SLC39A6: variants seen among roughly 807,000 people sequenced by gnomAD.
SLC39A6 encodes the protein solute carrier family 39 member 6.
In SLC39A6, 51 loss-of-function variants were observed where a neutral mutation model predicts 63.5. The observed-to-expected ratio is 0.80, with a 90% confidence interval of 0.64 to 1.01. SLC39A6 has a LOEUF of 1.01. Ranked by LOEUF, SLC39A6 falls within the 50% of genes least tolerant of loss-of-function variation. SLC39A6 has a pLI of 0.00. For missense variants in SLC39A6, 805 were observed against 927.8 expected (o/e 0.87, Z 1.72); for synonymous variants, 318 against 324.7 (o/e 0.98, Z 0.22).
rs750385480 is a variant in SLC39A6, at chr18:36,126,699, CTCGTGGTCTGAGTGATGG to C, written c.291_308del (p.Asp97_His102del). 1.5e-5 allele frequency: 24 copies of C among 1,613,392 alleles called. No homozygotes were observed. The highest frequency in any genetic ancestry group is 9.3e-5 in the African/African-American group (7 of 74,890). On this transcript the variant is annotated inframe_deletion, in exon 2 of 10. Coordinates refer to ENST00000269187, the MANE Select transcript of SLC39A6 (RefSeq NM_012319.4). The stretch of plus-strand genomic sequence containing the variant: ...AGTGACGCTCATGGTCTGAGTGATG[CTCGTGGTCTGAGTGATGG>C]TCGTGGTCATGGTGTATATGGATTC...
Position 36,123,539 on chromosome 18 carries a change from C to T in SLC39A6, c.1096G>A (p.Val366Ile), listed in dbSNP as rs747274757. Reference sequence around the variant, plus strand: ...AAAGCATCACCACTCAAAGTCCCAACGGCCAGTGCCACAAGGAAACTCAGG... The same window carrying T: ...AAAGCATCACCACTCAAAGTCCCAATGGCCAGTGCCACAAGGAAACTCAGG... ...FLLSFLVALAVGTLSGDAFLH... is the reference protein window; with the variant it reads ...FLLSFLVALAIGTLSGDAFLH... The change falls in exon 4 of 10, where the codon GTT becomes ATT. Residue 366 changes from valine (V) to isoleucine (I), a missense_variant. Physicochemically the swap from Val to Ile is conservative, Grantham distance 29. Transcript: ENST00000269187. The T allele has an allele frequency of 1.6e-5, 26 of 1,613,048 alleles. No individual in the cohort carries two copies. The highest frequency in any genetic ancestry group is 2.2e-5 in the East Asian group (1 of 44,858).
chr18:36,119,571 A>G (rs1478727296), intron 5 of SLC39A6, among the ~76,000 whole-genome samples: 1 of 150,548 alleles, frequency 6.6e-6, no homozygotes, highest in Non-Finnish European at 1.5e-5. Flanking sequence ...TGTTGCATTT[A>G]AAAATATTGG....
rs557330371 is a variant in SLC39A6 at position 36,114,833 on chromosome 18, T to C, written c.1466-359A>G. 3.3e-5 allele frequency among the ~76,000 whole-genome samples: 5 copies of C among 152,308 alleles called. No homozygotes were observed. The South Asian group carries it at 8.3e-4, about 25-fold the overall frequency. ...AAAACATGTTATGTTATTTAAAATA[T>C]TTATTTTAGAAAAATATCTTAGAGA... On this transcript the variant is annotated intron_variant, in intron 6 of 9. Coordinates refer to ENST00000269187, the MANE Select transcript of SLC39A6 (RefSeq NM_012319.4).
intron 7 of SLC39A6, among the ~76,000 whole-genome samples, chr18:36,113,881 G>A (rs901760838): frequency 6.6e-6 from 1 of 152,098 alleles, no homozygotes. Flanking sequence ...TACAATTTAG[G>A]TAATGGGCTA....
chr18:36,115,518 A>G (rs553600142), intron 6 of SLC39A6, among the ~76,000 whole-genome samples: 1 of 152,130 alleles, frequency 6.6e-6, no homozygotes, highest in African/African-American at 2.4e-5. Flanking sequence ...AGTGTGGTCT[A>G]GGCACAGTGG....
At chr18:36,118,496 A>G (rs1382293809) in intron 5 of SLC39A6, among the ~76,000 whole-genome samples, 1 of 152,158 alleles carries the variant, frequency 6.6e-6, no homozygotes, top group Admixed American at 6.5e-5. Context: ...GATAGGTAGG[A>G]ATTTGGTGGG....
chr18:36,121,551 G>A (rs2089394363), intron 5 of SLC39A6, among the ~76,000 whole-genome samples: 1 of 151,972 alleles, frequency 6.6e-6, no homozygotes, highest in Admixed American at 6.5e-5. Context: ...GACTCAAAAG[G>A]GTTTTTTTTG....
intron 9 of SLC39A6, 171 bp downstream of exon 9, chr18:36,110,888 G>A: frequency 9.0e-7 from 1 of 1,116,568 alleles, no homozygotes; most frequent in African/African-American, 1.6e-5. Flanking sequence ...CTACTCAGGA[G>A]GCTGAGATGG....
At chr18:36,121,219 T>C (rs1377764126) in intron 5 of SLC39A6, among the ~76,000 whole-genome samples, 1 of 152,054 alleles carries the variant, frequency 6.6e-6, no homozygotes, top group Non-Finnish European at 1.5e-5. Context: ...TGCAGTGGTA[T>C]AATCTCAGCT....
chr18:36,118,522 A>G (rs1158598060), intron 5 of SLC39A6, among the ~76,000 whole-genome samples: 1 of 152,196 alleles, frequency 6.6e-6, no homozygotes, highest in Non-Finnish European at 1.5e-5. Flanking sequence ...TTGGGGAGGC[A>G]GCATTCCAGG....
In SLC39A6 at chr18:36,124,516, T is replaced by C. The variant is rs1378517395; in HGVS notation, c.970+4A>G. On this transcript the variant is annotated splice_donor_region_variant and intron_variant, in intron 3 of 9. Coordinates refer to ENST00000269187, the MANE Select transcript of SLC39A6 (RefSeq NM_012319.4). ...TTGTTTTTACATAAAAAAGGCAATT[T>C]TACCTATTTGTAATGAATAGGTCTT... 1.3e-6 allele frequency: 2 copies of C among 1,504,494 alleles called. No individual in the cohort carries two copies. The highest frequency in any genetic ancestry group is 9.0e-7 in the Non-Finnish European group (1 of 1,107,180). The allele number at this position is 1,504,494 out of a possible 1,614,324, so 93.2% of individuals were successfully genotyped here.
chr18:36,128,524 A>C (rs1017857123), intron 1 of SLC39A6, among the ~76,000 whole-genome samples: 1 of 152,226 alleles, frequency 6.6e-6, no homozygotes, highest in Non-Finnish European at 1.5e-5. Flanking sequence ...AGGCTCCTGA[A>C]AGAGGAATCT....
chr18:36,118,799 AAAG>A (rs1458297199), intron 5 of SLC39A6, among the ~76,000 whole-genome samples: 8 of 152,224 alleles, frequency 5.3e-5, no homozygotes, highest in African/African-American at 1.9e-4. Context: ...TAGATTGGGA[AAAG>A]GAGGAAAACA....
chr18:36,116,767 G>T lies in SLC39A6; in HGVS notation c.1372C>A (p.Pro458Thr). 1.9e-6 allele frequency: 3 copies of T among 1,610,040 alleles called. No homozygotes were observed. Among genetic ancestry groups the T allele is most frequent in the Non-Finnish European group, 2.5e-6 (3 of 1,177,322 alleles). The change falls in exon 6 of 10, where the codon CCT becomes ACT. Residue 458 changes from proline to threonine, a missense_variant. Pro to Thr is a conservative substitution (Grantham distance 38, BLOSUM62 -1). This residue lies in a region of SLC39A6 where 639 missense variants were observed against 644.0 expected (regional missense o/e 0.99). Transcript: ENST00000269187. ...KDKKKKNQKK[P>T]ENDDDVEIKK... is the part of the protein sequence containing the mutation. ...ATCTCCACATCATCATCATTTTCAG[G>T]TTTCTTCTGATTCTAAAATAGTGAG...
intron 1 of SLC39A6, among the ~76,000 whole-genome samples, chr18:36,128,701 A>T (rs1390545288): frequency 1.3e-5 from 2 of 152,180 alleles, no homozygotes; most frequent in Admixed American, 6.5e-5. Flanking sequence ...CCGTTGAAGG[A>T]TCTCCTTTCC....
intron 8 of SLC39A6, among the ~76,000 whole-genome samples, chr18:36,111,667 T>C (rs62101454): frequency 0.4 from 60,702 of 151,868 alleles, 14,250 homozygotes; most frequent in East Asian, 0.64. Flanking sequence ...TTACTTTTAG[T>C]AGAGACGGGG....
intron 4 of SLC39A6, among the ~76,000 whole-genome samples, chr18:36,122,758 C>T (rs537806329): frequency 3.9e-4 from 60 of 152,314 alleles, no homozygotes; most frequent in Non-Finnish European, 5.7e-4. Context: ...ATTAGGGAAT[C>T]GGGTGTGGAA....
intron 3 of SLC39A6, 39 bp downstream of exon 3, chr18:36,124,481 T>C (rs2089419221): frequency 4.6e-6 from 6 of 1,307,128 alleles, no homozygotes; most frequent in South Asian, 1.5e-5. Flanking sequence ...TATAAATGAA[T>C]CTACTGAAAT....
intron 7 of SLC39A6, 127 bp downstream of exon 7, chr18:36,113,969 AT>A: frequency 1.6e-6 from 2 of 1,221,638 alleles, no homozygotes; most frequent in South Asian, 1.8e-5. Context: ...AAAAAGTAAC[AT>A]TTTTATAATC....
Sources: gnomAD v4.1 joint callset for allele counts (sites outside exome capture counted in the v4.1 genomes callset) on GRCh38, gnomAD v4.1.1 for gene constraint, gnomAD v4.1.1 regional missense constraint, MANE v1.5 for transcripts, NCBI Gene and HGNC (gene_info 2026-07-23, HGNC 2026-07-21) for gene names.